Variants in UBASH3B observed in about 807,000 individuals in gnomAD.
The protein encoded by UBASH3B is ubiquitin associated and SH3 domain containing B, also known as ubiquitin-associated and SH3 domain-containing protein B.
UBASH3B carries 37 observed loss-of-function variants against 83.4 expected under a neutral mutation model. That is an observed-to-expected ratio of 0.44 (90% CI 0.34 to 0.58). UBASH3B has a LOEUF of 0.58. Among genes scored for constraint, UBASH3B ranks in the 20% least tolerant of loss-of-function variants. UBASH3B has a pLI of 0.01. For missense variants in UBASH3B, 657 were observed against 827.2 expected (o/e 0.79, Z 2.52); for synonymous variants, 304 against 318.3 (o/e 0.96, Z 0.48).
intron 1 of UBASH3B, among the ~76,000 whole-genome samples, chr11:122,703,777 G>A (rs1250937123): frequency 6.6e-6 from 1 of 152,200 alleles, no homozygotes; most frequent in Non-Finnish European, 1.5e-5. Flanking sequence ...GATTCTAAAA[G>A]CAAGAGAACA....
In UBASH3B at chr11:122,808,176, G is replaced by A. The variant is rs1861374846; in HGVS notation, c.1812G>A (p.Lys604=). The A allele has an allele frequency of 2.5e-6, 4 of 1,613,528 alleles. No individual in the cohort carries two copies. Among genetic ancestry groups the A allele is most frequent in the Non-Finnish European group, 3.4e-6 (4 of 1,179,464 alleles). The change falls in exon 13 of 14, where the codon AAG becomes AAA. Residue 604 remains lysine (K), a splice_region_variant and synonymous_variant. Coordinates refer to ENST00000284273, the MANE Select transcript of UBASH3B (RefSeq NM_032873.5). Reference sequence around the variant, plus strand: ...AGGACTTCGTACAAATGGTCCGAAAGGTAATTCATTCTCGTACTTTGGGGT... The same window carrying A: ...AGGACTTCGTACAAATGGTCCGAAAAGTAATTCATTCTCGTACTTTGGGGT... ...NSKDFVQMVR[K]IPYLGFCSCE... is the part of the protein sequence containing the mutation.
Position 122,659,223 on chromosome 11 carries a change from C to G in UBASH3B, c.161+3013C>G, listed in dbSNP as rs145441042. On this transcript the variant is annotated intron_variant, in intron 1 of 13. Coordinates refer to ENST00000284273, the MANE Select transcript of UBASH3B (RefSeq NM_032873.5). ...AAAAAAATGTATAAGGCGGCATTCA[C>G]AGCTTCTAGGGATTAGGATGTGGGT... is the stretch of plus-strand genomic sequence containing the variant. Among the ~76,000 whole-genome samples, 11 of 152,280 alleles carry G rather than the reference C, an allele frequency of 7.2e-5. No individual in the cohort carries two copies. The East Asian group carries it at 2.1e-3, about 29-fold the overall frequency.
At chr11:122,734,117 C>T (rs1860893098) in intron 1 of UBASH3B, among the ~76,000 whole-genome samples, 1 of 152,210 alleles carries the variant, frequency 6.6e-6, no homozygotes, top group Non-Finnish European at 1.5e-5. Flanking sequence ...GAACTCCTGA[C>T]TTCAGGTGAT....
intron 4 of UBASH3B, among the ~76,000 whole-genome samples, chr11:122,781,940 G>C (rs1022821262): frequency 6.6e-6 from 1 of 152,194 alleles, no homozygotes; most frequent in African/African-American, 2.4e-5. Flanking sequence ...AAACCGAAAT[G>C]CTCAATTTCT....
rs189128889 is a variant in UBASH3B, at chr11:122,810,304, T to C, written c.*418T>C. The C allele has an allele frequency of 1.3e-5, 2 of 155,502 alleles. No individual in the cohort carries two copies. Among genetic ancestry groups the C allele is most frequent in the East Asian group, 1.9e-4 (1 of 5,248 alleles). 9.6% of individuals were successfully genotyped at this position (155,502 alleles called of 1,614,324 possible). ...AAAGGACAGCTTGGGGATGGAATTT[T>C]TTTTTTTTTATCTCCATTTTCCAGT... On this transcript the variant is annotated 3_prime_UTR_variant, in exon 14 of 14. Transcript: ENST00000284273.
At chr11:122,778,366 A>G (rs928919773) in intron 3 of UBASH3B, among the ~76,000 whole-genome samples, 1 of 151,978 alleles carries the variant, frequency 6.6e-6, no homozygotes, top group African/African-American at 2.4e-5. Flanking sequence ...CTTTTTTCCA[A>G]TGCTCTCAGG....
chr11:122,672,361 C>T (rs1863607708), intron 1 of UBASH3B, among the ~76,000 whole-genome samples: 1 of 151,878 alleles, frequency 6.6e-6, no homozygotes, highest in Admixed American at 6.6e-5. Flanking sequence ...TCCCTGTCAC[C>T]CAGGCTGGAG....
chr11:122,698,959 C>T (rs758836708), intron 1 of UBASH3B, among the ~76,000 whole-genome samples: 2 of 152,122 alleles, frequency 1.3e-5, no homozygotes, highest in Non-Finnish European at 2.9e-5. Context: ...AAGCGATTAT[C>T]GTGCCTCAGC....
intron 1 of UBASH3B, among the ~76,000 whole-genome samples, chr11:122,667,345 C>T (rs989142227): frequency 6.6e-6 from 1 of 152,134 alleles, no homozygotes; most frequent in Non-Finnish European, 1.5e-5. Context: ...CGCGCCCAGT[C>T]CATTCTTTCT....
chr11:122,762,087 T>C (rs115490525), intron 1 of UBASH3B, among the ~76,000 whole-genome samples: 2,332 of 152,184 alleles, frequency 0.015, 58 homozygotes, highest in African/African-American at 0.053. Context: ...CCACCGCGCC[T>C]GGCCGGTTTT....
At chr11:122,711,110 G>C (rs1012169762) in intron 1 of UBASH3B, among the ~76,000 whole-genome samples, 7 of 152,132 alleles carry the variant, frequency 4.6e-5, no homozygotes, top group Non-Finnish European at 8.8e-5. Context: ...TCCTGACTCT[G>C]TGCTTCAGTG....
intron 1 of UBASH3B, among the ~76,000 whole-genome samples, chr11:122,725,342 A>AAAAAAAAAAAAAAAAAAAAAG (rs71281633): frequency 7.6e-5 from 10 of 130,778 alleles, no homozygotes; most frequent in Non-Finnish European, 1.3e-4. Flanking sequence ...AAAAAAAAAA[A>AAAAAAAAAAAAAAAAAAAAAG]AAGAAAAGAA....
At position 122,754,471 on chromosome 11, in the gene UBASH3B, T is replaced by C. The variant is rs536735204; in HGVS notation, c.162-21748T>C. 4.6e-5 allele frequency among the ~76,000 whole-genome samples: 7 copies of C among 152,312 alleles called. No homozygotes were observed. The South Asian group carries it at 1.4e-3, about 32-fold the overall frequency. On this transcript the variant is annotated intron_variant, in intron 1 of 13. Transcript: ENST00000284273. Reference sequence around the variant, plus strand: ...GTCCATGCATGAGTGGCTTGGATAGTGAGTGTCTGGTATCTTCTAGCTGGG... The same window carrying C: ...GTCCATGCATGAGTGGCTTGGATAGCGAGTGTCTGGTATCTTCTAGCTGGG...
intron 6 of UBASH3B, 102 bp from the exon 7 acceptor site, chr11:122,794,600 C>T: frequency 6.8e-7 from 1 of 1,469,710 alleles, no homozygotes; most frequent in Non-Finnish European, 9.4e-7. Context: ...GTGCTACCCA[C>T]AGAGGGCTTT....
intron 1 of UBASH3B, among the ~76,000 whole-genome samples, chr11:122,690,344 A>G (rs1863879328): frequency 6.7e-6 from 1 of 149,032 alleles, no homozygotes; most frequent in South Asian, 2.1e-4. Flanking sequence ...ATATTATAAT[A>G]CATGTAGAGT....
At chr11:122,663,435 C>T (rs1863473146) in intron 1 of UBASH3B, among the ~76,000 whole-genome samples, 1 of 152,228 alleles carries the variant, frequency 6.6e-6, no homozygotes, top group African/African-American at 2.4e-5. Context: ...GAAGAGTATC[C>T]TGCCTCACTG....
chr11:122,794,678 C>T (rs1245976927), intron 6 of UBASH3B, 24 bp from the exon 7 acceptor site: 1 of 1,613,840 alleles, frequency 6.2e-7, no homozygotes, highest in South Asian at 1.1e-5. Context: ...GAGCAGTTAA[C>T]ACCTTCCTTA....
chr11:122,719,408 A>G (rs1860584523), intron 1 of UBASH3B, among the ~76,000 whole-genome samples: 1 of 152,198 alleles, frequency 6.6e-6, no homozygotes, highest in African/African-American at 2.4e-5. Flanking sequence ...GAAACTCTTT[A>G]AAAGTCTTTC....
rs1861497324 is a variant in UBASH3B at position 122,813,996 on chromosome 11, GCAAA to G, written c.*4111_*4114del. On this transcript the variant is annotated 3_prime_UTR_variant, in exon 14 of 14. Transcript: ENST00000284273. ...CGAACTTAATATACAATCAGTTCTT[GCAAA>G]TACTTTACACTTAGCTGCCATTACA... The G allele has an allele frequency of 6.6e-6, 1 of 152,406 alleles. No homozygotes were observed. The highest frequency in any genetic ancestry group is 2.4e-5 in the African/African-American group (1 of 41,444). 9.4% of individuals were successfully genotyped at this position (152,406 alleles called of 1,614,324 possible).
Sources: gnomAD v4.1 joint callset for allele counts (sites outside exome capture counted in the v4.1 genomes callset) on GRCh38, gnomAD v4.1.1 for gene constraint, MANE v1.5 for transcripts, NCBI Gene and HGNC (gene_info 2026-07-23, HGNC 2026-07-21) for gene names.